PID1: variants seen among roughly 807,000 people sequenced by gnomAD.
PID1 encodes the protein phosphotyrosine interaction domain containing 1.
Under a neutral mutation model 19.1 loss-of-function variants are expected in PID1, and 10 were observed. The observed-to-expected ratio is 0.52, with a 90% CI of 0.32 to 0.89. The LOEUF (loss-of-function observed/expected upper bound fraction) is 0.89. Among genes scored for constraint, PID1 ranks in the 40% least tolerant of loss-of-function variants. PID1 has a pLI of 0.03. For missense variants in PID1, 248 were observed against 285.3 expected, an observed-to-expected ratio of 0.87 and a Z score of 0.94; for synonymous variants, 130 against 116.0, an observed-to-expected ratio of 1.12 and a Z score of -0.78.
chr2:229,061,030 G>C (rs543991046), intron 2 of PID1, among the ~76,000 whole-genome samples: 89 of 152,088 alleles, frequency 5.9e-4, no homozygotes, highest in African/African-American at 2.0e-3. Context: ...CCCACAAATG[G>C]TTTGCAAATA....
intron 2 of PID1, among the ~76,000 whole-genome samples, chr2:229,085,686 A>G (rs1694750599): frequency 1.3e-5 from 2 of 152,190 alleles, no homozygotes; most frequent in Admixed American, 6.5e-5. Flanking sequence ...ACATAAATAG[A>G]AAAGTAGATT....
chr2:229,123,325 T>G (rs547794104), intron 2 of PID1, among the ~76,000 whole-genome samples: 18 of 152,314 alleles, frequency 1.2e-4, no homozygotes, highest in South Asian at 8.3e-4. Context: ...GTTTTCAAGG[T>G]TCATCTATGT....
chr2:229,097,902 T>C (rs1695001819), intron 2 of PID1, among the ~76,000 whole-genome samples: 1 of 152,210 alleles, frequency 6.6e-6, no homozygotes, highest in African/African-American at 2.4e-5. Context: ...GCCAGTTCGA[T>C]AGAGCATAAG....
intron 2 of PID1, among the ~76,000 whole-genome samples, chr2:229,030,572 C>T (rs953693662): frequency 7.7e-6 from 1 of 129,820 alleles, no homozygotes; most frequent in African/African-American, 3.1e-5. Context: ...TCCTGATTTG[C>T]TCTAAAGGCA....
chr2:229,169,858 G>C (rs1690675358), intron 1 of PID1, among the ~76,000 whole-genome samples: 1 of 152,142 alleles, frequency 6.6e-6, no homozygotes, highest in South Asian at 2.1e-4. Context: ...AGATGACTTA[G>C]ACAAACTCCC....
intron 1 of PID1, among the ~76,000 whole-genome samples, chr2:229,173,165 A>G (rs1353558269): frequency 6.6e-6 from 1 of 152,202 alleles, no homozygotes; most frequent in Non-Finnish European, 1.5e-5. Context: ...ATTTGTTTTC[A>G]TTCCACCTAA....
At chr2:229,072,123 T>C (rs1020519913) in intron 2 of PID1, among the ~76,000 whole-genome samples, 1 of 152,188 alleles carries the variant, frequency 6.6e-6, no homozygotes, top group Non-Finnish European at 1.5e-5. Flanking sequence ...TCCATCAATC[T>C]GAACCAAGTA....
chr2:229,055,322 C>G (rs1436924285), intron 2 of PID1, among the ~76,000 whole-genome samples: 3 of 152,162 alleles, frequency 2.0e-5, no homozygotes, highest in Admixed American at 6.6e-5. Context: ...GCCTTTCTAC[C>G]TGTGACTTCT....
chr2:229,097,005 C>T (rs1326006121), intron 2 of PID1, among the ~76,000 whole-genome samples: 7 of 152,160 alleles, frequency 4.6e-5, no homozygotes, highest in Admixed American at 4.6e-4. Flanking sequence ...TTGTTAATGT[C>T]ACCCTGAGTT....
intron 2 of PID1, among the ~76,000 whole-genome samples, chr2:229,140,857 A>G (rs1285442795): frequency 6.6e-6 from 1 of 152,180 alleles, no homozygotes. Context: ...TAGCCTATGT[A>G]TTAATACATT....
At chr2:229,105,714 C>A (rs1695163140) in intron 2 of PID1, among the ~76,000 whole-genome samples, 1 of 152,216 alleles carries the variant, frequency 6.6e-6, no homozygotes, top group East Asian at 1.9e-4. Flanking sequence ...ATCCCAGTTA[C>A]AGATGAGGAA....
intron 1 of PID1, among the ~76,000 whole-genome samples, chr2:229,227,290 T>C (rs1295492162): frequency 6.6e-6 from 1 of 152,198 alleles, no homozygotes; most frequent in Non-Finnish European, 1.5e-5. Flanking sequence ...TCAGTCACAA[T>C]AGGCACGTTT....
intron 1 of PID1, among the ~76,000 whole-genome samples, chr2:229,196,300 G>A (rs1691377429): frequency 6.6e-6 from 1 of 151,922 alleles, no homozygotes; most frequent in Non-Finnish European, 1.5e-5. Flanking sequence ...AGAAATATAG[G>A]TTAGCCTTTT....
Position 229,174,099 on chromosome 2 carries a change from G to A in PID1, c.31-18135C>T, listed in dbSNP as rs1185893121. Reference sequence around the variant, plus strand: ...ACTTGCACATAATTCCTTATCTCAGGAGACCTCAAACTTAAGAATTTCTTG... The same window carrying A: ...ACTTGCACATAATTCCTTATCTCAGAAGACCTCAAACTTAAGAATTTCTTG... On this transcript the variant is annotated intron_variant, in intron 1 of 2. Transcript: ENST00000392055. Among the ~76,000 whole-genome samples, 7 of 152,192 alleles carry A rather than the reference G, an allele frequency of 4.6e-5. 1 individual carries two copies. The South Asian group carries it at 1.2e-3, about 27-fold the overall frequency.
At chr2:229,096,648 A>C (rs1694975966) in intron 2 of PID1, among the ~76,000 whole-genome samples, 1 of 152,106 alleles carries the variant, frequency 6.6e-6, no homozygotes, top group African/African-American at 2.4e-5. Context: ...AATCTCTCTA[A>C]AGAGGATCAG....
rs200059971 is a variant in PID1 at position 229,257,343 on chromosome 2, A to AT, written c.30+13670dup. Among the ~76,000 whole-genome samples, 377 of 151,972 alleles carry AT rather than the reference A, an allele frequency of 2.5e-3. 1 individual carries two copies. The highest frequency in any genetic ancestry group is 8.5e-3 in the African/African-American group (350 of 41,420). Reference sequence around the variant, plus strand: ...CTCGTGTGACTTCCTCTAGCCTACCATTTCTCTCTCTTTCTTTGTGTGCAC... The same window carrying AT: ...CTCGTGTGACTTCCTCTAGCCTACCATTTTCTCTCTCTTTCTTTGTGTGCAC... On this transcript the variant is annotated intron_variant, in intron 1 of 2. Coordinates refer to ENST00000392055, the MANE Select transcript of PID1 (RefSeq NM_001100818.2).
At chr2:229,100,058 G>A (rs1323353504) in intron 2 of PID1, among the ~76,000 whole-genome samples, 1 of 152,074 alleles carries the variant, frequency 6.6e-6, no homozygotes, top group Non-Finnish European at 1.5e-5. Flanking sequence ...CTCCTTCTCT[G>A]ACCTCCAACA....
chr2:229,205,336 C>A (rs1213755853), intron 1 of PID1, among the ~76,000 whole-genome samples: 1 of 151,928 alleles, frequency 6.6e-6, no homozygotes, highest in African/African-American at 2.4e-5. Context: ...TATATGTGTA[C>A]ATGTATGAAT....
chr2:229,040,120 G>GAA (rs59973595), intron 2 of PID1, among the ~76,000 whole-genome samples: 25,524 of 129,960 alleles, frequency 0.2, 2,538 homozygotes, highest in East Asian at 0.37. Flanking sequence ...TTGTTATGTG[G>GAA]AAAAAAAAAA....
Sources: allele counts gnomAD v4.1 joint callset (sites outside exome capture counted in the v4.1 genomes callset), GRCh38; gene constraint gnomAD v4.1.1; transcripts MANE v1.5; gene names NCBI Gene and HGNC (gene_info 2026-07-23, HGNC 2026-07-21).